The following RAB10 variants were observed in gnomAD, a reference collection of about 807,000 sequenced individuals.
RAB10 encodes the protein RAB10, member RAS oncogene family.
In RAB10, 5 loss-of-function variants were observed where a neutral mutation model predicts 25.7. That is an observed-to-expected ratio of 0.19 (90% CI 0.10 to 0.41). RAB10 has a LOEUF of 0.41. RAB10 is among the 10% of genes least tolerant of loss of function. RAB10 has a pLI of 1.00. For synonymous variants in RAB10, 89 were observed against 86.4 expected, an observed-to-expected ratio of 1.03 and a Z score of -0.16; for missense variants, 103 against 245.8, an observed-to-expected ratio of 0.42 and a Z score of 3.89.
Position 26,107,233 on chromosome 2 carries a change from G to A in RAB10, c.189-2535G>A, listed in dbSNP as rs1174100587. 1.1e-4 allele frequency among the ~76,000 whole-genome samples: 13 copies of A among 122,874 alleles called. No individual in the cohort carries two copies. In the East Asian group the frequency reaches 1.5e-3, roughly 14 times the overall value. The allele number at this position is 122,874 out of a possible 152,430, so 80.6% of individuals were successfully genotyped here. A position where few individuals can be genotyped will look rare whatever the true frequency, so the allele number is the denominator to read the frequency against. On this transcript the variant is annotated intron_variant, in intron 2 of 5. Coordinates refer to ENST00000264710, the MANE Select transcript of RAB10 (RefSeq NM_016131.5). ...TACACTCCAGCCTGGGCAACAGAGC[G>A]ACACCCTGTTTCAAAAAAAAAAAAA...
intron 5 of RAB10, among the ~76,000 whole-genome samples, chr2:26,133,633 A>G (rs1197942789): frequency 6.6e-6 from 1 of 151,930 alleles, no homozygotes; most frequent in African/African-American, 2.4e-5. Context: ...AAATGGGCCT[A>G]CCCTTTTAAA....
At chr2:26,050,128 A>C (rs1158197950) in intron 1 of RAB10, among the ~76,000 whole-genome samples, 2 of 152,154 alleles carry the variant, frequency 1.3e-5, no homozygotes, top group African/African-American at 4.8e-5. Context: ...ACTGCCTTTG[A>C]GCATATCATC....
chr2:26,112,046 A>G (rs931094846), intron 3 of RAB10, among the ~76,000 whole-genome samples: 30 of 152,306 alleles, frequency 2.0e-4, no homozygotes, highest in East Asian at 1.2e-3. Context: ...AAAGTATACA[A>G]TTCAGGAACA....
intron 2 of RAB10, among the ~76,000 whole-genome samples, chr2:26,099,988 C>T (rs754516461): frequency 3.3e-5 from 5 of 152,118 alleles, no homozygotes; most frequent in Non-Finnish European, 5.9e-5. Context: ...GGGTCCTACC[C>T]GGACTCTGAT....
At chr2:26,060,218 A>G (rs745810487) in intron 1 of RAB10, among the ~76,000 whole-genome samples, 1 of 152,206 alleles carries the variant, frequency 6.6e-6, no homozygotes, top group Non-Finnish European at 1.5e-5. Flanking sequence ...TGTGCCTGGC[A>G]CTGTGTGAAG....
chr2:26,083,067 C>A (rs1481025175), intron 1 of RAB10, among the ~76,000 whole-genome samples: 1 of 152,106 alleles, frequency 6.6e-6, no homozygotes, highest in Non-Finnish European at 1.5e-5. Flanking sequence ...GGAACAGGAA[C>A]ATTTGTTTAA....
intron 1 of RAB10, among the ~76,000 whole-genome samples, chr2:26,084,810 A>G (rs34813234): frequency 6.6e-6 from 1 of 152,128 alleles, no homozygotes. Flanking sequence ...GAATTCATGT[A>G]TTTTTAATAG....
rs575746174 is a variant in RAB10, at chr2:26,085,940, A to G, written c.128-12722A>G. On this transcript the variant is annotated intron_variant, in intron 1 of 5. Coordinates refer to ENST00000264710, the MANE Select transcript of RAB10 (RefSeq NM_016131.5). ...CTTGAACCCAGGAGGCAGAGGTTTC[A>G]GTGAGCTGAGATCACACCATTGCAC... is the stretch of plus-strand genomic sequence containing the variant. 5.0e-4 allele frequency among the ~76,000 whole-genome samples: 68 copies of G among 136,454 alleles called. 2 individuals carry two copies. In the South Asian group the frequency reaches 0.014, roughly 28 times the overall value. The allele number at this position is 136,454 out of a possible 152,430, so 89.5% of individuals were successfully genotyped here. A position where few individuals can be genotyped will look rare whatever the true frequency, so the allele number is the denominator to read the frequency against.
intron 1 of RAB10, among the ~76,000 whole-genome samples, chr2:26,053,812 C>T (rs1340288628): frequency 1.3e-5 from 2 of 151,978 alleles, no homozygotes; most frequent in African/African-American, 2.4e-5. Context: ...TTCTGCCTTC[C>T]GGGTTCAAGC....
At chr2:26,099,989 G>A (rs1265101830) in intron 2 of RAB10, among the ~76,000 whole-genome samples, 2 of 151,962 alleles carry the variant, frequency 1.3e-5, no homozygotes, top group African/African-American at 2.4e-5. Flanking sequence ...GGTCCTACCC[G>A]GACTCTGATT....
chr2:26,116,142 C>T (rs1334089117), intron 3 of RAB10, among the ~76,000 whole-genome samples: 1 of 152,126 alleles, frequency 6.6e-6, no homozygotes, highest in African/African-American at 2.4e-5. Context: ...GCTGGGATTA[C>T]AGGCATGAGC....
At chr2:26,097,217 A>G (rs1667240860) in intron 1 of RAB10, among the ~76,000 whole-genome samples, 3 of 152,142 alleles carry the variant, frequency 2.0e-5, no homozygotes. Context: ...CCTTGTCTCA[A>G]AACAAACAAA....
At chr2:26,097,753 A>T (rs1449408362) in intron 1 of RAB10, among the ~76,000 whole-genome samples, 2 of 152,086 alleles carry the variant, frequency 1.3e-5, no homozygotes, top group Admixed American at 1.3e-4. Context: ...CTTCTGTATC[A>T]TTATTGATTT....
intron 1 of RAB10, among the ~76,000 whole-genome samples, chr2:26,077,212 T>A (rs184576951): frequency 2.8e-4 from 42 of 152,306 alleles, no homozygotes; most frequent in African/African-American, 9.4e-4. Flanking sequence ...ATGTAAATTG[T>A]TTATTTTTTT....
intron 3 of RAB10, among the ~76,000 whole-genome samples, chr2:26,112,766 A>C (rs1667600554): frequency 6.6e-6 from 1 of 152,104 alleles, no homozygotes; most frequent in African/African-American, 2.4e-5. Context: ...CTGTCTCTGA[A>C]AAAGAAAAGA....
At chr2:26,108,044 T>C (rs1339798013) in intron 2 of RAB10, among the ~76,000 whole-genome samples, 1 of 152,192 alleles carries the variant, frequency 6.6e-6, no homozygotes, top group Non-Finnish European at 1.5e-5. Context: ...AACTGGATCT[T>C]TTATATGTTG....
chr2:26,033,321 A>AGC (rs1486864060), upstream of RAB10, among the ~76,000 whole-genome samples: 2 of 152,158 alleles, frequency 1.3e-5, no homozygotes, highest in African/African-American at 2.4e-5. Context: ...AGGTTCTCTG[A>AGC]GCACCGCACA....
In RAB10 at chr2:26,136,774, C is replaced by T. The variant is rs994699756; in HGVS notation, c.*1753C>T. The stretch of plus-strand genomic sequence containing the variant: ...GGGACGTATCTGCTATGAAAATCCA[C>T]AAATTTTTCAGATAGTGCCCTAAAA... On this transcript the variant is annotated 3_prime_UTR_variant, in exon 6 of 6. Transcript: ENST00000264710. 3.3e-5 allele frequency: 5 copies of T among 152,560 alleles called. No homozygotes were observed. Among genetic ancestry groups the T allele is most frequent in the African/African-American group, 4.8e-5 (2 of 41,438 alleles). The allele number at this position is 152,560 out of a possible 1,614,324, so 9.5% of individuals were successfully genotyped here.
chr2:26,039,274 G>A (rs1665833104), intron 1 of RAB10, among the ~76,000 whole-genome samples: 1 of 151,772 alleles, frequency 6.6e-6, no homozygotes, highest in East Asian at 1.9e-4. Context: ...GCCCACCTTG[G>A]CCTCCCAAAA....
Sources: gnomAD v4.1 joint callset for allele counts (sites outside exome capture counted in the v4.1 genomes callset) on GRCh38, gnomAD v4.1.1 for gene constraint, MANE v1.5 for transcripts, NCBI Gene and HGNC (gene_info 2026-07-23, HGNC 2026-07-21) for gene names.